PLXDC2: variants seen among roughly 807,000 people sequenced by gnomAD.
The protein encoded by PLXDC2 is plexin domain containing 2, also known as plexin domain-containing protein 2.
Under a neutral mutation model 68.9 loss-of-function variants are expected in PLXDC2, and 40 were observed. The observed-to-expected ratio is 0.58, with a 90% CI of 0.45 to 0.76. The LOEUF (loss-of-function observed/expected upper bound fraction) is 0.76. Ranked by LOEUF, PLXDC2 falls within the 30% of genes least tolerant of loss-of-function variation. The pLI is 0.00. For synonymous variants in PLXDC2, 243 were observed against 234.2 expected, an observed-to-expected ratio of 1.04 and a Z score of -0.34; for missense variants, 644 against 661.9, an observed-to-expected ratio of 0.97 and a Z score of 0.30.
At chr10:20,154,527 G>A (rs1834193170) in intron 6 of PLXDC2, among the ~76,000 whole-genome samples, 1 of 149,694 alleles carries the variant, frequency 6.7e-6, no homozygotes, top group South Asian at 2.1e-4. Flanking sequence ...TCATGCCACT[G>A]CCTTCCAGCC....
intron 1 of PLXDC2, among the ~76,000 whole-genome samples, chr10:19,967,014 A>T (rs1834274477): frequency 6.6e-6 from 1 of 152,196 alleles, no homozygotes; most frequent in African/African-American, 2.4e-5. Flanking sequence ...GTGCTAACAG[A>T]TGGCAACCTC....
At chr10:19,843,018 T>C (rs1836937234) in intron 1 of PLXDC2, among the ~76,000 whole-genome samples, 1 of 152,112 alleles carries the variant, frequency 6.6e-6, no homozygotes, top group South Asian at 2.1e-4. Context: ...TTATCCTTTA[T>C]TACATATCCT....
intron 1 of PLXDC2, among the ~76,000 whole-genome samples, chr10:19,929,154 G>C (rs895903840): frequency 6.6e-6 from 1 of 151,874 alleles, no homozygotes; most frequent in Non-Finnish European, 1.5e-5. Context: ...TGAGGTGGGC[G>C]GATTGCATGA....
intron 8 of PLXDC2, 113 bp downstream of exon 8, chr10:20,177,207 C>A: frequency 7.7e-7 from 1 of 1,303,932 alleles, no homozygotes; most frequent in Non-Finnish European, 1.1e-6. Context: ...TTGTGTTTGG[C>A]ATGCATGGGC....
chr10:20,070,357 C>T (rs1211855673), intron 4 of PLXDC2, among the ~76,000 whole-genome samples: 2 of 152,084 alleles, frequency 1.3e-5, no homozygotes, highest in Non-Finnish European at 2.9e-5. Flanking sequence ...GTTGCTTCAA[C>T]CCAAGGAAAA....
rs1445552880 is a variant in PLXDC2 at position 20,280,525 on chromosome 10, C to T, written c.*706C>T. 1 of 152,086 alleles carries T rather than the reference C, an allele frequency of 6.6e-6. No homozygotes were observed. The highest frequency in any genetic ancestry group is 1.5e-5 in the Non-Finnish European group (1 of 68,040). 9.4% of individuals were successfully genotyped at this position (152,086 alleles called of 1,614,324 possible). ...TATGAGCTGTGACAAAATTTCCGAA[C>T]AATTAACTAAGGATTTGGGAAGAGG... On this transcript the variant is annotated 3_prime_UTR_variant, in exon 14 of 14. Transcript: ENST00000377252.
At chr10:20,144,601 C>T (rs1834048898) in intron 5 of PLXDC2, among the ~76,000 whole-genome samples, 1 of 152,112 alleles carries the variant, frequency 6.6e-6, no homozygotes, top group Non-Finnish European at 1.5e-5. Context: ...TTTTTAAAAA[C>T]TCATGAGGTG....
intron 4 of PLXDC2, among the ~76,000 whole-genome samples, chr10:20,129,668 C>G (rs570958103): frequency 4.0e-4 from 60 of 150,274 alleles, no homozygotes; most frequent in African/African-American, 1.5e-3. Context: ...AGCCTTTAGT[C>G]TACTTTGAGT....
Position 20,282,097 on chromosome 10 carries a change from A to T in PLXDC2, c.*2278A>T, listed in dbSNP as rs1836089388. On this transcript the variant is annotated 3_prime_UTR_variant, in exon 14 of 14. Coordinates refer to ENST00000377252, the MANE Select transcript of PLXDC2 (RefSeq NM_032812.9). The stretch of plus-strand genomic sequence containing the variant: ...GATTCAAAACAATTGATAATTCTGT[A>T]AAAAAACATAAACACTGAATTCTTC... The T allele has an allele frequency of 6.6e-6, 1 of 152,138 alleles. No individual in the cohort carries two copies. The highest frequency in any genetic ancestry group is 2.4e-5 in the African/African-American group (1 of 41,442). The allele number at this position is 152,138 out of a possible 1,614,324, so 9.4% of individuals were successfully genotyped here. A position where few individuals can be genotyped will look rare whatever the true frequency, so the allele number is the denominator to read the frequency against.
At chr10:20,035,493 T>C (rs1835562048) in intron 2 of PLXDC2, among the ~76,000 whole-genome samples, 1 of 152,130 alleles carries the variant, frequency 6.6e-6, no homozygotes. Flanking sequence ...GGTCGGGAGT[T>C]CGAGACCAGC....
intron 1 of PLXDC2, among the ~76,000 whole-genome samples, chr10:19,883,082 G>A (rs567433206): frequency 0.011 from 1,615 of 150,786 alleles, 29 homozygotes; most frequent in African/African-American, 0.036. Context: ...TCAGCCTCCC[G>A]AGTAGCTGGG....
chr10:20,032,852 G>C (rs1393602846), intron 2 of PLXDC2, among the ~76,000 whole-genome samples: 2 of 151,638 alleles, frequency 1.3e-5, no homozygotes, highest in African/African-American at 2.4e-5. Flanking sequence ...GAGGACTTGG[G>C]AATATCATAG....
chr10:20,217,474 C>G lies in PLXDC2; in HGVS notation c.1171C>G (p.Arg391Gly), dbSNP rs1335007275. 1.1e-5 allele frequency: 18 copies of G among 1,612,520 alleles called. No homozygotes were observed. The highest frequency in any genetic ancestry group is 1.4e-5 in the Non-Finnish European group (17 of 1,179,130). The change falls in exon 11 of 14, where the codon CGA becomes GGA. Residue 391 changes from arginine to glycine, a missense_variant. Arg to Gly is a moderately radical substitution (Grantham distance 125). Transcript: ENST00000377252. Reference sequence around the variant, plus strand: ...TACAGAACCAGTGGAAACTTCTTCTCGAACCACCACAACCGTAGGAGCGAC... The same window carrying G: ...TACAGAACCAGTGGAAACTTCTTCTGGAACCACCACAACCGTAGGAGCGAC... The part of the protein sequence containing the change: ...ENTEPVETSS[R>G]TTTTVGATTT...
chr10:19,926,765 G>C (rs570450838), intron 1 of PLXDC2, among the ~76,000 whole-genome samples: 1 of 152,306 alleles, frequency 6.6e-6, no homozygotes, highest in South Asian at 2.1e-4. Context: ...CGTAGTTTCA[G>C]TTACTGAAAT....
At position 20,102,048 on chromosome 10, in the gene PLXDC2, C is replaced by T. The variant is rs74373928; in HGVS notation, c.541+33809C>T. Among the ~76,000 whole-genome samples, 367 of 152,192 alleles carry T rather than the reference C, an allele frequency of 2.4e-3. 1 individual carries two copies. Among genetic ancestry groups the T allele is most frequent in the Middle Eastern group, 0.01 (3 of 294 alleles). ...AACTCCTGACCTCATTTGATCCTCC[C>T]GCCTCGCCTATCAAAGTGCTTAGAT... On this transcript the variant is annotated intron_variant, in intron 4 of 13. Coordinates refer to ENST00000377252, the MANE Select transcript of PLXDC2 (RefSeq NM_032812.9).
intron 13 of PLXDC2, among the ~76,000 whole-genome samples, chr10:20,258,965 G>A (rs1835777090): frequency 6.8e-6 from 1 of 147,456 alleles, no homozygotes. Context: ...CAGAGATCAT[G>A]CCACTGCACT....
At chr10:20,047,982 T>C (rs941720833) in intron 3 of PLXDC2, among the ~76,000 whole-genome samples, 2 of 152,096 alleles carry the variant, frequency 1.3e-5, no homozygotes, top group African/African-American at 4.8e-5. Flanking sequence ...GGGTATTTGG[T>C]TTTGCTGGCC....
intron 1 of PLXDC2, among the ~76,000 whole-genome samples, chr10:19,839,146 A>G (rs564743868): frequency 9.3e-5 from 14 of 150,954 alleles, no homozygotes; most frequent in African/African-American, 3.4e-4. Flanking sequence ...AGATCCCACC[A>G]TTGCACTCCA....
intron 1 of PLXDC2, among the ~76,000 whole-genome samples, chr10:19,861,990 A>T (rs1345185592): frequency 6.6e-6 from 1 of 152,206 alleles, no homozygotes; most frequent in Non-Finnish European, 1.5e-5. Context: ...CATTTTCCTA[A>T]ACTCTAAATA....
Sources: allele counts gnomAD v4.1 joint callset (sites outside exome capture counted in the v4.1 genomes callset), GRCh38; gene constraint gnomAD v4.1.1; transcripts MANE v1.5; gene names NCBI Gene and HGNC (gene_info 2026-07-23, HGNC 2026-07-21).